Variants in PGS1 observed in about 807,000 individuals in gnomAD.
PGS1 encodes the protein phosphatidylglycerophosphate synthase 1.
In PGS1, 44 loss-of-function variants were observed where a neutral mutation model predicts 58.3. The ratio of observed to expected loss-of-function variants is 0.75; its 90% CI spans 0.59 to 0.97. The LOEUF is 0.97. Ranked by LOEUF, PGS1 falls within the 50% of genes least tolerant of loss-of-function variation. The probability of loss-of-function intolerance (pLI) is 0.00; values close to 1 mark genes in which losing one functional copy is unlikely to be tolerated. For missense variants in PGS1, 684 were observed against 731.1 expected (o/e 0.94, Z 0.74); for synonymous variants, 330 against 311.0 (o/e 1.06, Z -0.64).
chr17:78,405,291 C>A (rs1293625574), intron 7 of PGS1, among the ~76,000 whole-genome samples: 5 of 152,152 alleles, frequency 3.3e-5, no homozygotes, highest in Non-Finnish European at 7.3e-5. Context: ...CCACTGCGCC[C>A]GGCTGGCAAT....
In PGS1 at chr17:78,400,591, T is replaced by C. The variant is rs1179929000; in HGVS notation, c.702-86T>C. 9.1e-7 allele frequency: 1 copy of C among 1,104,710 alleles called. No individual in the cohort carries two copies. The highest frequency in any genetic ancestry group is 1.5e-5 in the African/African-American group (1 of 64,884). 68.4% of individuals were successfully genotyped at this position (1,104,710 alleles called of 1,614,324 possible). A position where few individuals can be genotyped will look rare whatever the true frequency, so the allele number is the denominator to read the frequency against. ...TGACCTGAGTTTGTCACCCCCCTGCTAGTTCACCTGAGACCTGGGTCACCA... is the reference window on the plus strand; with the variant it reads ...TGACCTGAGTTTGTCACCCCCCTGCCAGTTCACCTGAGACCTGGGTCACCA... On this transcript the variant is annotated intron_variant, in intron 5 of 9. Coordinates refer to ENST00000262764, the MANE Select transcript of PGS1 (RefSeq NM_024419.5). This position sits in a 1 kb window ranked among gnomAD's most constrained non-coding sequence, Gnocchi z 4.4.
intron 1 of PGS1, 50 bp downstream of exon 1, chr17:78,378,858 G>GC (rs1441958639): frequency 3.1e-5 from 42 of 1,353,600 alleles, no homozygotes; most frequent in East Asian, 9.4e-5. Context: ...CTGCAGCCCG[G>GC]CCCCCCGGCG....
At chr17:78,388,083 C>T (rs1436613236) in intron 1 of PGS1, among the ~76,000 whole-genome samples, 1 of 152,228 alleles carries the variant, frequency 6.6e-6, no homozygotes. Flanking sequence ...GCTTTCAGCT[C>T]CTTTTCCTCT....
At chr17:78,392,144 G>A (rs1316594163) in intron 1 of PGS1, among the ~76,000 whole-genome samples, 2 of 152,156 alleles carry the variant, frequency 1.3e-5, no homozygotes, top group African/African-American at 4.8e-5. Context: ...CCATGTGGTA[G>A]CTTTTATGAG....
At position 78,424,233 on chromosome 17, in the gene PGS1, C is replaced by T. The variant is rs2086289422; in HGVS notation, c.*183C>T. 1.3e-6 allele frequency: 2 copies of T among 1,507,428 alleles called. No individual in the cohort carries two copies. Among genetic ancestry groups the T allele is most frequent in the South Asian group, 1.3e-5 (1 of 78,696 alleles). The allele number at this position is 1,507,428 out of a possible 1,614,324, so 93.4% of individuals were successfully genotyped here. On this transcript the variant is annotated 3_prime_UTR_variant, in exon 10 of 10. Transcript: ENST00000262764. ...GCTGGCAGGAAGGGTGGGGTCCTCA[C>T]ACTCCCCGCCCTCTGCAGAGCTGGG...
chr17:78,400,891 G>T lies in PGS1; in HGVS notation c.880+36G>T. ...CCGCTGACACCCTTCTATGGCTGTGGGTGGGGTGGAGTGAGGGCCCGGGAG... is the reference window on the plus strand; with the variant it reads ...CCGCTGACACCCTTCTATGGCTGTGTGTGGGGTGGAGTGAGGGCCCGGGAG... On this transcript the variant is annotated intron_variant, in intron 6 of 9. Transcript: ENST00000262764. The surrounding 1 kb of genome is among the most constrained non-coding windows in gnomAD (Gnocchi z 4.4). 6.5e-7 allele frequency: 1 copy of T among 1,530,132 alleles called. No individual in the cohort carries two copies. The highest frequency in any genetic ancestry group is 2.3e-5 in the East Asian group (1 of 42,806). 94.8% of individuals were successfully genotyped at this position (1,530,132 alleles called of 1,614,324 possible).
chr17:78,419,940 A>G, intron 9 of PGS1: 1 of 1,214,360 alleles, frequency 8.2e-7, no homozygotes, highest in Non-Finnish European at 1.0e-6. Context: ...GGCAGCCTGT[A>G]GTCCCCTTCT....
chr17:78,390,982 C>T (rs1057063676), intron 1 of PGS1, among the ~76,000 whole-genome samples: 5 of 152,034 alleles, frequency 3.3e-5, no homozygotes, highest in African/African-American at 9.7e-5. Flanking sequence ...GCTCTGTTGC[C>T]CAGGCTGGAG....
chr17:78,399,571 C>G (rs781354899), intron 5 of PGS1, 34 bp downstream of exon 5: 1 of 1,607,438 alleles, frequency 6.2e-7, no homozygotes, highest in Admixed American at 1.7e-5. Context: ...CTTTTGCCCT[C>G]CTGCTCTGCA....
At chr17:78,422,493 G>GTGTT (rs974231207) in intron 9 of PGS1, among the ~76,000 whole-genome samples, 10 of 152,114 alleles carry the variant, frequency 6.6e-5, no homozygotes, top group Admixed American at 3.9e-4. Context: ...CCTAATGGGT[G>GTGTT]TGTTTGCCTT....
intron 7 of PGS1, among the ~76,000 whole-genome samples, chr17:78,407,322 G>A (rs935746307): frequency 6.6e-6 from 1 of 152,216 alleles, no homozygotes; most frequent in Non-Finnish European, 1.5e-5. Flanking sequence ...GTCCTTCCCT[G>A]CTCAGTGGTT....
chr17:78,383,082 AT>A lies in PGS1; in HGVS notation c.143+4279del, dbSNP rs374589655. Among the ~76,000 whole-genome samples the A allele has an allele frequency of 1.4e-3, 217 of 152,152 alleles. 2 individuals are homozygous for A. Among genetic ancestry groups the A allele is most frequent in the African/African-American group, 4.8e-3 (201 of 41,536 alleles). On this transcript the variant is annotated intron_variant, in intron 1 of 9. Transcript: ENST00000262764. The stretch of plus-strand genomic sequence containing the variant: ...GCTTACTTTTTTTCCTTTTTAAACT[AT>A]TTTTAAGTTTTAGCTATACATGCAG...
intron 1 of PGS1, among the ~76,000 whole-genome samples, chr17:78,386,493 T>G (rs554949683): frequency 1.3e-5 from 2 of 152,274 alleles, no homozygotes; most frequent in South Asian, 4.1e-4. Context: ...GGGCGCTAGA[T>G]GGTGTCTAGA....
intron 6 of PGS1, among the ~76,000 whole-genome samples, chr17:78,402,001 C>G (rs2083708592): frequency 6.6e-6 from 1 of 152,024 alleles, no homozygotes; most frequent in Non-Finnish European, 1.5e-5. Flanking sequence ...GAGACTCGAG[C>G]CCAGCTGTGC....
At chr17:78,410,690 T>C (rs1598359614) in intron 7 of PGS1, among the ~76,000 whole-genome samples, 1 of 152,030 alleles carries the variant, frequency 6.6e-6, no homozygotes, top group South Asian at 2.1e-4. Context: ...GCCAGGCTGG[T>C]TTTGAACTCC....
intron 9 of PGS1, chr17:78,420,744 G>A (rs8071516): frequency 0.16 from 23,729 of 152,212 alleles, 1,968 homozygotes; most frequent in Middle Eastern, 0.2. Context: ...TTTGAATAGT[G>A]TGTGCAAATG....
At chr17:78,423,594 C>CTTCCTGGAAT in intron 9 of PGS1, 1 of 349,238 alleles carries the variant, frequency 2.9e-6, no homozygotes, top group South Asian at 3.6e-5. Flanking sequence ...TTGGGATTTA[C>CTTCCTGGAAT]TTCCTGGAAT....
intron 3 of PGS1, among the ~76,000 whole-genome samples, chr17:78,397,572 G>T (rs537270518): frequency 6.9e-6 from 1 of 144,502 alleles, no homozygotes; most frequent in Non-Finnish European, 1.5e-5. Context: ...GAGTAGTTGG[G>T]ATTACAGGCA....
intron 1 of PGS1, among the ~76,000 whole-genome samples, chr17:78,390,237 C>A (rs368053744): frequency 3.1e-4 from 47 of 152,220 alleles, no homozygotes; most frequent in African/African-American, 1.1e-3. Flanking sequence ...TTTGGGAAAC[C>A]CAGGCAGCGA....
Sources: allele counts gnomAD v4.1 joint callset (sites outside exome capture counted in the v4.1 genomes callset), GRCh38; gene constraint gnomAD v4.1.1; non-coding constraint Gnocchi (gnomAD v3.1); transcripts MANE v1.5; gene names NCBI Gene and HGNC (gene_info 2026-07-23, HGNC 2026-07-21).